Variants in SLC5A1 observed in about 807,000 individuals in gnomAD.
SLC5A1 encodes the protein sodium/glucose cotransporter 1.
SLC5A1 carries 42 observed loss-of-function variants against 73.5 expected under a neutral mutation model. That is an observed-to-expected ratio of 0.57 (90% CI 0.45 to 0.74). SLC5A1 has a LOEUF of 0.74. Ranked by LOEUF, SLC5A1 falls within the 30% of genes least tolerant of loss-of-function variation. SLC5A1 has a pLI of 0.00. For missense variants in SLC5A1, 634 were observed against 855.4 expected, an observed-to-expected ratio of 0.74 and a Z score of 3.23; for synonymous variants, 300 against 317.4, an observed-to-expected ratio of 0.95 and a Z score of 0.58.
intron 5 of SLC5A1, among the ~76,000 whole-genome samples, chr22:32,069,985 T>G (rs2093980118): frequency 6.6e-6 from 1 of 152,162 alleles, no homozygotes; most frequent in Non-Finnish European, 1.5e-5. Context: ...ATCAGCTCTG[T>G]GGGCCTTTAA....
At chr22:32,107,916 TCAC>T (rs932041871) in intron 14 of SLC5A1, among the ~76,000 whole-genome samples, 2 of 151,936 alleles carry the variant, frequency 1.3e-5, no homozygotes, top group Non-Finnish European at 2.9e-5. Context: ...ATCATCATCC[TCAC>T]CACCACCACC....
chr22:32,049,338 AT>A (rs2093942125), intron 1 of SLC5A1, among the ~76,000 whole-genome samples: 1 of 147,366 alleles, frequency 6.8e-6, no homozygotes, highest in Admixed American at 6.8e-5. Flanking sequence ...TTCTTAGAGC[AT>A]TTTTTCACTT....
At chr22:32,105,666 G>T (rs1046062568) in intron 14 of SLC5A1, among the ~76,000 whole-genome samples, 2 of 152,148 alleles carry the variant, frequency 1.3e-5, no homozygotes, top group Non-Finnish European at 2.9e-5. Context: ...CTATCAAATA[G>T]TAGGTTAGTC....
intron 2 of SLC5A1, among the ~76,000 whole-genome samples, chr22:32,060,066 CAT>C (rs200322591): frequency 0.042 from 6,192 of 145,966 alleles, 199 homozygotes; most frequent in Non-Finnish European, 0.066. Context: ...TATACACACA[CAT>C]ATATATATAC....
chr22:32,060,260 C>T (rs531645019), intron 2 of SLC5A1, among the ~76,000 whole-genome samples: 3 of 152,052 alleles, frequency 2.0e-5, no homozygotes, highest in East Asian at 1.9e-4. Context: ...AGCGCGATCT[C>T]GGCTCACTGC....
At chr22:32,075,189 G>A (rs1159783751) in intron 5 of SLC5A1, among the ~76,000 whole-genome samples, 2 of 151,414 alleles carry the variant, frequency 1.3e-5, no homozygotes, top group Non-Finnish European at 2.9e-5. Context: ...TGGGATTACA[G>A]GTGTGAGCCA....
intron 11 of SLC5A1, among the ~76,000 whole-genome samples, chr22:32,097,886 A>G (rs1376471647): frequency 6.6e-6 from 1 of 152,274 alleles, no homozygotes; most frequent in Non-Finnish European, 1.5e-5. Context: ...ATTTATATCC[A>G]GAATATGTAA....
chr22:32,075,070 CTTTTTTTTT>C (rs1045791303), intron 5 of SLC5A1, among the ~76,000 whole-genome samples: 1 of 107,684 alleles, frequency 9.3e-6, no homozygotes, highest in Non-Finnish European at 2.0e-5. Flanking sequence ...CTATTTTTTA[CTTTTTTTTT>C]TTTTTTTTTT....
chr22:32,048,911 A>G (rs908595879), intron 1 of SLC5A1, among the ~76,000 whole-genome samples: 4 of 151,796 alleles, frequency 2.6e-5, no homozygotes, highest in Non-Finnish European at 5.9e-5. Flanking sequence ...CTCTACTAAA[A>G]ATACAAAAAT....
chr22:32,085,436 T>C (rs1852783449), intron 9 of SLC5A1, among the ~76,000 whole-genome samples: 1 of 152,174 alleles, frequency 6.6e-6, no homozygotes, highest in South Asian at 2.1e-4. Context: ...CTCTTCTTTA[T>C]TTGTTATGGT....
intron 2 of SLC5A1, among the ~76,000 whole-genome samples, chr22:32,064,762 T>A (rs1317420766): frequency 6.6e-6 from 1 of 152,172 alleles, no homozygotes; most frequent in Admixed American, 6.5e-5. Flanking sequence ...GCTGTCACCC[T>A]AGTCCAAGCC....
chr22:32,095,212 A>G (rs2094024329), intron 11 of SLC5A1, among the ~76,000 whole-genome samples: 1 of 152,044 alleles, frequency 6.6e-6, no homozygotes, highest in Non-Finnish European at 1.5e-5. Flanking sequence ...AGAGTACTTG[A>G]TATGATTTCA....
Position 32,067,016 on chromosome 22 carries a change from G to T in SLC5A1, c.289G>T (p.Ala97Ser), listed in dbSNP as rs754378934. The T allele has an allele frequency of 6.2e-7, 1 of 1,613,230 alleles. No individual in the cohort carries two copies. Among genetic ancestry groups the T allele is most frequent in the East Asian group, 2.2e-5 (1 of 44,858 alleles). Reference protein sequence around the residue: ...LAGTGAASGIAIGGFEWNALV... With the variant: ...LAGTGAASGISIGGFEWNALV... Reference sequence around the variant, plus strand: ...CGGGACTGGGGCAGCTTCAGGCATCGCCATTGGAGGCTTTGAATGGAATGT... The same window carrying T: ...CGGGACTGGGGCAGCTTCAGGCATCTCCATTGGAGGCTTTGAATGGAATGT... The change falls in exon 3 of 15, where the codon GCC (alanine) becomes TCC (serine). Residue 97 changes from alanine to serine, a missense_variant. By Grantham distance (99) the Ala-to-Ser change is moderately conservative. Around this residue, in one of 3 missense-constraint regions of SLC5A1, gnomAD observed 422 missense variants for 626.1 expected, o/e 0.67. Coordinates refer to ENST00000266088, the MANE Select transcript of SLC5A1 (RefSeq NM_000343.4).
chr22:32,096,544 T>C (rs1190391750), intron 11 of SLC5A1, among the ~76,000 whole-genome samples: 1 of 152,238 alleles, frequency 6.6e-6, no homozygotes, highest in Admixed American at 6.5e-5. Context: ...CAGTTGTGCT[T>C]GTGAATATAC....
rs879924497 is a variant in SLC5A1 at position 32,102,227 on chromosome 22, CG to C, written c.1657del (p.Asp553MetfsTer38). ...VVISLLTKPI[P>X]DVHLYRLCWS... Reference sequence around the variant, plus strand: ...ATCTCCCTCCTCACCAAACCCATTCCGGATGTGCATGTGAGTATCCATTTAG... The same window carrying C: ...ATCTCCCTCCTCACCAAACCCATTCCGATGTGCATGTGAGTATCCATTTAG... On this transcript the variant is annotated frameshift_variant, in exon 13 of 15. Transcript: ENST00000266088. LOFTEE classifies it high-confidence loss of function. 1.2e-6 allele frequency: 2 copies of C among 1,611,878 alleles called. No homozygotes were observed. The highest frequency in any genetic ancestry group is 1.7e-6 in the Non-Finnish European group (2 of 1,178,144).
In SLC5A1 at chr22:32,084,101, G is replaced by A. The variant is rs987593832; in HGVS notation, c.665-338G>A. ...CCATGGCTGACAGCAGAGGGTGAGG[G>A]AAAAAACAGAGTCTTTGTATGTGGT... On this transcript the variant is annotated intron_variant, in intron 7 of 14. Coordinates refer to ENST00000266088, the MANE Select transcript of SLC5A1 (RefSeq NM_000343.4). 3.3e-5 allele frequency among the ~76,000 whole-genome samples: 5 copies of A among 152,260 alleles called. 1 individual carries two copies. The South Asian group carries it at 1.0e-3, about 32-fold the overall frequency.
At chr22:32,073,702 A>C (rs1400521966) in intron 5 of SLC5A1, among the ~76,000 whole-genome samples, 1 of 152,062 alleles carries the variant, frequency 6.6e-6, no homozygotes, top group Non-Finnish European at 1.5e-5. Context: ...GATTACAGCC[A>C]CACGCCACCA....
rs1307225784 is a variant in SLC5A1 at position 32,112,622 on chromosome 22, A to G, written c.*2409A>G. Reference sequence around the variant, plus strand: ...AACACAAAAGTCAAGCTTGTAAAATATCAGGCCTTGCCCCAGAAAGACAAA... The same window carrying G: ...AACACAAAAGTCAAGCTTGTAAAATGTCAGGCCTTGCCCCAGAAAGACAAA... On this transcript the variant is annotated 3_prime_UTR_variant, in exon 15 of 15. Coordinates refer to ENST00000266088, the MANE Select transcript of SLC5A1 (RefSeq NM_000343.4). 4 of 152,240 alleles carry G rather than the reference A, an allele frequency of 2.6e-5. No homozygotes were observed. 9.4% of individuals were successfully genotyped at this position (152,240 alleles called of 1,614,324 possible). A position where few individuals can be genotyped will look rare whatever the true frequency, so the allele number is the denominator to read the frequency against.
chr22:32,084,442 T>A lies in SLC5A1; in HGVS notation c.668T>A (p.Phe223Tyr). The A allele has an allele frequency of 6.2e-7, 1 of 1,614,056 alleles. No homozygotes were observed. The highest frequency in any genetic ancestry group is 8.5e-7 in the Non-Finnish European group (1 of 1,179,860). The stretch of plus-strand genomic sequence containing the variant: ...TTTCTGTACCGATGTTTTCCAGCTT[T>A]TCACGAAGTGGGAGGCTATGACGCC... ...VGSLILTGFA[F>Y]HEVGGYDAFM... Residue 223 changes from phenylalanine (F) to tyrosine (Y), a missense_variant, in exon 8 of 15, where the codon TTT (phenylalanine) becomes TAT (tyrosine). Transcript: ENST00000266088.
Sources: gnomAD v4.1 joint callset for allele counts (sites outside exome capture counted in the v4.1 genomes callset) on GRCh38, gnomAD v4.1.1 for gene constraint, gnomAD v4.1.1 regional missense constraint, MANE v1.5 for transcripts, NCBI Gene and HGNC (gene_info 2026-07-23, HGNC 2026-07-21) for gene names.